The following PCSK2 variants were observed in gnomAD, a reference collection of about 807,000 sequenced individuals.
PCSK2 encodes the protein proprotein convertase subtilisin/kexin type 2.
Under a neutral mutation model 69.7 loss-of-function variants are expected in PCSK2, and 14 were observed. The ratio of observed to expected loss-of-function variants is 0.20; its 90% CI spans 0.13 to 0.31. The LOEUF is 0.31. Ranked by LOEUF, PCSK2 falls within the 10% of genes least tolerant of loss-of-function variation. PCSK2 has a pLI of 1.00. For missense variants in PCSK2, 544 were observed against 842.5 expected (o/e 0.65, Z 4.39); for synonymous variants, 307 against 320.7 (o/e 0.96, Z 0.46).
intron 6 of PCSK2, among the ~76,000 whole-genome samples, chr20:17,424,071 G>C (rs2032191310): frequency 6.6e-6 from 1 of 152,068 alleles, no homozygotes; most frequent in Non-Finnish European, 1.5e-5. Context: ...ATTCCTTATG[G>C]GTACATGGAA....
intron 5 of PCSK2, among the ~76,000 whole-genome samples, chr20:17,374,817 A>T (rs1304682545): frequency 2.0e-5 from 3 of 152,112 alleles, no homozygotes; most frequent in Non-Finnish European, 4.4e-5. Flanking sequence ...AGGTGGGGAG[A>T]TAGAAGGATT....
At chr20:17,255,536 T>C (rs1195186824) in intron 1 of PCSK2, among the ~76,000 whole-genome samples, 3 of 152,156 alleles carry the variant, frequency 2.0e-5, no homozygotes, top group Non-Finnish European at 4.4e-5. Context: ...AGAGACGAGG[T>C]TTCACTATGT....
At chr20:17,462,200 G>A (rs1462979883) in intron 10 of PCSK2, among the ~76,000 whole-genome samples, 1 of 151,560 alleles carries the variant, frequency 6.6e-6, no homozygotes, top group East Asian at 1.9e-4. Context: ...TCCCCTGAAC[G>A]AGGTTTGCTG....
chr20:17,310,615 T>C (rs1989474290), intron 2 of PCSK2, among the ~76,000 whole-genome samples: 1 of 151,094 alleles, frequency 6.6e-6, no homozygotes, highest in African/African-American at 2.4e-5. Context: ...TCACAGCAGA[T>C]TGATTTCCTT....
Position 17,453,988 on chromosome 20 carries a change from T to C in PCSK2, c.1101+31T>C. On this transcript the variant is annotated intron_variant, in intron 9 of 11. Coordinates refer to ENST00000262545, the MANE Select transcript of PCSK2 (RefSeq NM_002594.5). The surrounding 1 kb of genome is among the most constrained non-coding windows in gnomAD (Gnocchi z 4.0). ...CACGTCCCCTTCTGTCCTTGTTTCC[T>C]TAGGGCCACTGCACCTCTGTGTCAG... is the stretch of plus-strand genomic sequence containing the variant. The C allele has an allele frequency of 6.2e-7, 1 of 1,612,476 alleles. No individual in the cohort carries two copies. The highest frequency in any genetic ancestry group is 2.2e-5 in the East Asian group (1 of 44,800).
intron 4 of PCSK2, among the ~76,000 whole-genome samples, chr20:17,362,590 A>G (rs1250026754): frequency 6.6e-6 from 1 of 152,100 alleles, no homozygotes; most frequent in Non-Finnish European, 1.5e-5. Context: ...GGCCTCCAGC[A>G]AGGTAGATGG....
At chr20:17,360,110 A>T (rs1018000144) in intron 3 of PCSK2, among the ~76,000 whole-genome samples, 2 of 152,232 alleles carry the variant, frequency 1.3e-5, no homozygotes, top group Non-Finnish European at 2.9e-5. Flanking sequence ...GTAAGAAGTT[A>T]TATTCAAATA....
In PCSK2 at chr20:17,460,039, A is replaced by C. The variant is rs563586319; in HGVS notation, c.1202+3591A>C. Among the ~76,000 whole-genome samples the C allele has an allele frequency of 1.1e-3, 173 of 152,170 alleles. 2 individuals carry two copies. Among genetic ancestry groups the C allele is most frequent in the Middle Eastern group, 6.8e-3 (2 of 294 alleles). On this transcript the variant is annotated intron_variant, in intron 10 of 11. Transcript: ENST00000262545. ...GTGAAAGAAAATACAGAGATAAGGAACCCAGGGCTGGTTTAGGGTACCGGG... is the reference window on the plus strand; with the variant it reads ...GTGAAAGAAAATACAGAGATAAGGACCCCAGGGCTGGTTTAGGGTACCGGG...
At chr20:17,247,025 C>A (rs1986796181) in intron 1 of PCSK2, among the ~76,000 whole-genome samples, 1 of 152,104 alleles carries the variant, frequency 6.6e-6, no homozygotes, top group South Asian at 2.1e-4. Context: ...CCAGGGAAAC[C>A]AGTAATCATC....
Position 17,276,533 on chromosome 20 carries a change from G to A in PCSK2, c.282+16189G>A, listed in dbSNP as rs1354883010. On this transcript the variant is annotated intron_variant, in intron 2 of 11. Coordinates refer to ENST00000262545, the MANE Select transcript of PCSK2 (RefSeq NM_002594.5). Reference sequence around the variant, plus strand: ...TGAATATAGATGTATCACAAGATGGGGCTAGGTTAATATTCAGTGTTCATA... The same window carrying A: ...TGAATATAGATGTATCACAAGATGGAGCTAGGTTAATATTCAGTGTTCATA... Among the ~76,000 whole-genome samples the A allele has an allele frequency of 3.3e-5, 5 of 151,576 alleles. No individual in the cohort carries two copies. In the South Asian group the frequency reaches 1.0e-3, roughly 32 times the overall value.
chr20:17,367,070 C>G (rs2030616044), intron 4 of PCSK2, among the ~76,000 whole-genome samples: 1 of 151,026 alleles, frequency 6.6e-6, no homozygotes, highest in South Asian at 2.1e-4. Flanking sequence ...AAGACACACA[C>G]AGAGAATATA....
chr20:17,394,599 G>T (rs1018411118), intron 5 of PCSK2, among the ~76,000 whole-genome samples: 12 of 152,186 alleles, frequency 7.9e-5, no homozygotes, highest in African/African-American at 2.9e-4. Flanking sequence ...GTTGGTGGTA[G>T]CAGGAATGGC....
chr20:17,382,546 G>T (rs2031116697), intron 5 of PCSK2, among the ~76,000 whole-genome samples: 1 of 152,090 alleles, frequency 6.6e-6, no homozygotes, highest in Non-Finnish European at 1.5e-5. Context: ...CTTGACTGCT[G>T]CTCCCTTCTT....
At chr20:17,345,438 A>G (rs1342874430) in intron 2 of PCSK2, among the ~76,000 whole-genome samples, 6 of 152,222 alleles carry the variant, frequency 3.9e-5, no homozygotes, top group Non-Finnish European at 7.3e-5. Context: ...ACTTTCTGTA[A>G]AGGGCCAGAG....
At chr20:17,244,075 C>T (rs961776642) in intron 1 of PCSK2, among the ~76,000 whole-genome samples, 1 of 152,092 alleles carries the variant, frequency 6.6e-6, no homozygotes, top group Non-Finnish European at 1.5e-5. Flanking sequence ...CTTATACTGC[C>T]TTGTTCTTAG....
At chr20:17,419,606 G>A (rs2032078256) in intron 6 of PCSK2, among the ~76,000 whole-genome samples, 1 of 152,144 alleles carries the variant, frequency 6.6e-6, no homozygotes, top group Non-Finnish European at 1.5e-5. Flanking sequence ...CTGACTGGTT[G>A]ATAGATGAGT....
At chr20:17,372,598 G>C (rs1241504529) in intron 5 of PCSK2, among the ~76,000 whole-genome samples, 1 of 152,122 alleles carries the variant, frequency 6.6e-6, no homozygotes, top group Non-Finnish European at 1.5e-5. Context: ...TGATTTCTGT[G>C]CAAAACTGCG....
At chr20:17,388,450 T>C (rs2031291790) in intron 5 of PCSK2, among the ~76,000 whole-genome samples, 1 of 152,112 alleles carries the variant, frequency 6.6e-6, no homozygotes, top group African/African-American at 2.4e-5. Flanking sequence ...AAGAATGTAG[T>C]TAAAGCACCC....
chr20:17,372,540 C>G (rs1459542960), intron 5 of PCSK2, among the ~76,000 whole-genome samples: 1 of 152,054 alleles, frequency 6.6e-6, no homozygotes, highest in East Asian at 1.9e-4. Flanking sequence ...ATGACAATGT[C>G]TATGCTGAAC....
Sources: gnomAD v4.1 joint callset for allele counts (sites outside exome capture counted in the v4.1 genomes callset) on GRCh38, gnomAD v4.1.1 for gene constraint, Gnocchi (gnomAD v3.1) non-coding constraint, MANE v1.5 for transcripts, NCBI Gene and HGNC (gene_info 2026-07-23, HGNC 2026-07-21) for gene names.